The following PRKD1 variants were observed in gnomAD, a reference collection of about 807,000 sequenced individuals.
PRKD1 encodes the protein serine/threonine-protein kinase D1.
PRKD1 carries 63 observed loss-of-function variants against 95.9 expected under a neutral mutation model. The ratio of observed to expected loss-of-function variants is 0.66; its 90% confidence interval spans 0.54 to 0.81. PRKD1 has a LOEUF of 0.81. Among genes scored for constraint, PRKD1 ranks in the 30% least tolerant of loss-of-function variants. The probability of loss-of-function intolerance (pLI) is 0.00; values close to 1 mark genes in which losing one functional copy is unlikely to be tolerated. For missense variants in PRKD1, 1,048 were observed against 1,165.3 expected (o/e 0.90, Z 1.47); for synonymous variants, 425 against 423.1 (o/e 1.00, Z -0.05).
rs535806841 is a variant in PRKD1 at position 29,779,087 on chromosome 14, G to A, written c.265-53413C>T. ...AAAAGGCCTTTGACAAAATTCAACAGCCCTTCATGCTAAAAACTCTCAATA... is the reference window on the plus strand; with the variant it reads ...AAAAGGCCTTTGACAAAATTCAACAACCCTTCATGCTAAAAACTCTCAATA... On this transcript the variant is annotated intron_variant, in intron 1 of 17. Transcript: ENST00000331968. Among the ~76,000 whole-genome samples, 152 of 152,164 alleles carry A rather than the reference G, an allele frequency of 1.0e-3. 3 individuals are homozygous for A. The South Asian group carries it at 0.029, about 29-fold the overall frequency.
chr14:29,917,629 C>T (rs979601832), intron 1 of PRKD1, among the ~76,000 whole-genome samples: 3 of 151,904 alleles, frequency 2.0e-5, no homozygotes, highest in Non-Finnish European at 2.9e-5. Context: ...CTATTGTTTA[C>T]GAAAAAGAAA....
intron 1 of PRKD1, among the ~76,000 whole-genome samples, chr14:29,795,242 C>A (rs1303838784): frequency 6.6e-6 from 1 of 151,878 alleles, no homozygotes; most frequent in Non-Finnish European, 1.5e-5. Flanking sequence ...AATGTCACAT[C>A]TAAGCCCCAT....
At chr14:29,609,648 C>A (rs1429746253) in intron 13 of PRKD1, among the ~76,000 whole-genome samples, 2 of 151,214 alleles carry the variant, frequency 1.3e-5, no homozygotes, top group African/African-American at 2.4e-5. Flanking sequence ...TCAAGGAATT[C>A]TTTCACTTCA....
intron 1 of PRKD1, among the ~76,000 whole-genome samples, chr14:29,759,126 T>TAA (rs1887849589): frequency 6.6e-6 from 1 of 152,244 alleles, no homozygotes; most frequent in Admixed American, 6.5e-5. Flanking sequence ...TTTGCTAGGT[T>TAA]CTGTGGTGTT....
intron 17 of PRKD1, 128 bp from the exon 18 acceptor site, chr14:29,577,584 A>T: frequency 1.1e-6 from 1 of 874,924 alleles, no homozygotes; most frequent in Non-Finnish European, 1.8e-6. Context: ...TGAATCTTTC[A>T]TCACGCATCC....
chr14:29,599,529 C>A, intron 14 of PRKD1, 127 bp downstream of exon 14: 1 of 869,172 alleles, frequency 1.2e-6, no homozygotes, highest in East Asian at 2.6e-5. Flanking sequence ...AAAGCCACTA[C>A]AACCTTTTCT....
chr14:29,601,372 G>T (rs1042614097), intron 13 of PRKD1, among the ~76,000 whole-genome samples: 1 of 152,112 alleles, frequency 6.6e-6, no homozygotes, highest in East Asian at 1.9e-4. Flanking sequence ...TGATGCCTTG[G>T]GTCAAATCAT....
Position 29,691,928 on chromosome 14 carries a change from C to A in PRKD1, c.404-25720G>T, listed in dbSNP as rs376149861. Among the ~76,000 whole-genome samples the A allele has an allele frequency of 5.9e-5, 9 of 152,190 alleles. No homozygotes were observed. The East Asian group carries it at 1.4e-3, about 23-fold the overall frequency. Reference sequence around the variant, plus strand: ...CTAAAAAAAAGGAGGTTTTCCCCTCCCACCAACTACTTTAGTGAAGAGGTA... The same window carrying A: ...CTAAAAAAAAGGAGGTTTTCCCCTCACACCAACTACTTTAGTGAAGAGGTA... On this transcript the variant is annotated intron_variant, in intron 2 of 17. Transcript: ENST00000331968.
intron 4 of PRKD1, among the ~76,000 whole-genome samples, chr14:29,651,771 T>G (rs938862274): frequency 3.3e-5 from 5 of 152,080 alleles, no homozygotes; most frequent in Admixed American, 6.6e-5. Flanking sequence ...GAGACCGAGT[T>G]TTGTTCTTGT....
In PRKD1 at chr14:29,819,714, CATAAA is replaced by C. The variant is rs545054339; in HGVS notation, c.265-94045_265-94041del. Among the ~76,000 whole-genome samples, 878 of 151,794 alleles carry C rather than the reference CATAAA, an allele frequency of 5.8e-3. 4 individuals are homozygous for C. Among genetic ancestry groups the C allele is most frequent in the African/African-American group, 0.02 (813 of 41,432 alleles). On this transcript the variant is annotated intron_variant, in intron 1 of 17. Transcript: ENST00000331968. ...CAAAAAATAAAATAAAATAAAATAA[CATAAA>C]ATAAAATAAAATAAAATAAAGCAAA...
chr14:29,849,768 G>A (rs1002386907), intron 1 of PRKD1, among the ~76,000 whole-genome samples: 12 of 151,508 alleles, frequency 7.9e-5, no homozygotes, highest in African/African-American at 2.2e-4. Context: ...ACTGCAGTTC[G>A]ATATCCCTGA....
chr14:29,612,880 C>T (rs1268487769), intron 13 of PRKD1, among the ~76,000 whole-genome samples: 2 of 152,078 alleles, frequency 1.3e-5, no homozygotes, highest in Admixed American at 6.6e-5. Flanking sequence ...GGGTGGATCA[C>T]GAGGTCAGGA....
At chr14:29,656,638 A>G in intron 4 of PRKD1, 1 of 960,680 alleles carries the variant, frequency 1.0e-6, no homozygotes, top group Non-Finnish European at 1.6e-6. Flanking sequence ...TTCAAAAAAA[A>G]GCAAAATGTT....
intron 1 of PRKD1, among the ~76,000 whole-genome samples, chr14:29,785,180 A>C (rs1889211780): frequency 6.6e-6 from 1 of 152,170 alleles, no homozygotes; most frequent in Non-Finnish European, 1.5e-5. Context: ...CATAAAACCC[A>C]ACCTGCCCTT....
intron 13 of PRKD1, among the ~76,000 whole-genome samples, chr14:29,618,324 C>T (rs1428678836): frequency 1.3e-5 from 2 of 150,584 alleles, no homozygotes; most frequent in East Asian, 3.9e-4. Flanking sequence ...ATGATCTCTC[C>T]TCACTGCAAC....
chr14:29,905,347 A>C (rs1165205989), intron 1 of PRKD1, among the ~76,000 whole-genome samples: 1 of 152,208 alleles, frequency 6.6e-6, no homozygotes, highest in Non-Finnish European at 1.5e-5. Flanking sequence ...CCTGCACTTC[A>C]AGGAATGTGG....
intron 1 of PRKD1, among the ~76,000 whole-genome samples, chr14:29,842,193 C>A (rs1450675181): frequency 2.0e-5 from 3 of 152,176 alleles, no homozygotes; most frequent in Non-Finnish European, 4.4e-5. Flanking sequence ...TTGCAGTTAA[C>A]TTGTTTTTAC....
intron 1 of PRKD1, among the ~76,000 whole-genome samples, chr14:29,798,690 T>C (rs1490807813): frequency 1.3e-5 from 2 of 152,214 alleles, no homozygotes; most frequent in Non-Finnish European, 2.9e-5. Context: ...GTACTTGCTA[T>C]AATATAAATC....
chr14:29,914,088 G>T (rs371825989), intron 1 of PRKD1, among the ~76,000 whole-genome samples: 5 of 152,142 alleles, frequency 3.3e-5, no homozygotes, highest in African/African-American at 1.2e-4. Flanking sequence ...CGTTAGAATC[G>T]AACTGAATTG....
Sources: gnomAD v4.1 joint callset for allele counts (sites outside exome capture counted in the v4.1 genomes callset) on GRCh38, gnomAD v4.1.1 for gene constraint, MANE v1.5 for transcripts, NCBI Gene and HGNC (gene_info 2026-07-23, HGNC 2026-07-21) for gene names.